Variants in PHLDB1 observed in about 807,000 individuals in gnomAD.
The protein encoded by PHLDB1 is pleckstrin homology like domain family B member 1.
A neutral mutation model predicts 139.3 loss-of-function variants in PHLDB1; 65 were observed. The ratio of observed to expected loss-of-function variants is 0.47; its 90% CI spans 0.38 to 0.57. The LOEUF (loss-of-function observed/expected upper bound fraction) is 0.57, where lower values mean the gene tolerates loss of function less well. Ranked by LOEUF, PHLDB1 falls within the 20% of genes least tolerant of loss-of-function variation. The pLI is 0.00. For missense variants in PHLDB1, 1,624 were observed against 1,839.7 expected (o/e 0.88, Z 2.14); for synonymous variants, 679 against 734.5 (o/e 0.92, Z 1.22).
At chr11:118,626,584 T>C (rs1943909441) in intron 5 of PHLDB1, among the ~76,000 whole-genome samples, 2 of 152,134 alleles carry the variant, frequency 1.3e-5, no homozygotes, top group Non-Finnish European at 2.9e-5. Context: ...GGTTTCACCA[T>C]GTTGGCCAGG....
chr11:118,648,901 C>CA (rs1485895373), intron 18 of PHLDB1, among the ~76,000 whole-genome samples: 1 of 152,174 alleles, frequency 6.6e-6, no homozygotes, highest in Non-Finnish European at 1.5e-5. Flanking sequence ...GAATCTTTCC[C>CA]AAGCAGTGAT....
At chr11:118,609,644 G>T (rs2135599363) in intron 1 of PHLDB1, among the ~76,000 whole-genome samples, 1 of 152,356 alleles carries the variant, frequency 6.6e-6, no homozygotes, top group African/African-American at 2.4e-5. Flanking sequence ...GGCGGTGTCT[G>T]TGGGGGCCGC....
chr11:118,655,260 C>T (rs1031588729), intron 20 of PHLDB1: 3 of 191,044 alleles, frequency 1.6e-5, no homozygotes, highest in Non-Finnish European at 3.3e-5. Context: ...CCAAATTGTT[C>T]ATAAGGGTTT....
intron 18 of PHLDB1, among the ~76,000 whole-genome samples, chr11:118,649,140 C>T (rs983002491): frequency 8.5e-5 from 13 of 152,150 alleles, no homozygotes; most frequent in Middle Eastern, 3.4e-3. Flanking sequence ...ATTAGCTGGG[C>T]GTGGTTTCAC....
At chr11:118,607,329 TGTGGTGGTGGTG>T (rs60326273), upstream of PHLDB1, among the ~76,000 whole-genome samples, 808 of 57,602 alleles carry the variant, frequency 0.014, 22 homozygotes, top group African/African-American at 0.045. Flanking sequence ...GAGGGGGATG[TGTGGTGGTGGTG>T]GTGGTGGTGG....
chr11:118,634,933 AGCTG>A (rs1945379675), intron 9 of PHLDB1: 1 of 454,036 alleles, frequency 2.2e-6, no homozygotes, highest in Admixed American at 2.4e-5. Context: ...GAGAGGGCGG[AGCTG>A]GCCGCGGGAC....
chr11:118,634,895 C>T (rs781863370), intron 9 of PHLDB1: 2 of 430,296 alleles, frequency 4.6e-6, no homozygotes, highest in Middle Eastern at 6.8e-4. Context: ...CTGTGCCCCG[C>T]CCTCTCCCTC....
At chr11:118,614,900 G>A in intron 3 of PHLDB1, 1 of 517,138 alleles carries the variant, frequency 1.9e-6, no homozygotes, top group South Asian at 2.1e-5. Context: ...GATCAGCTTA[G>A]AAACAAGGAG....
chr11:118,656,018 T>C, intron 22 of PHLDB1, 126 bp downstream of exon 22: 1 of 746,996 alleles, frequency 1.3e-6, no homozygotes, highest in Non-Finnish European at 2.3e-6. Flanking sequence ...AGAAAGCAGG[T>C]TGCAAAGAGC....
At chr11:118,630,060 G>A (rs1555108533) in intron 6 of PHLDB1, 2 of 1,284,048 alleles carry the variant, frequency 1.6e-6, no homozygotes, top group African/African-American at 1.5e-5. Flanking sequence ...ATGGAACTGG[G>A]CAAGCAACAG....
At chr11:118,613,161 T>C (rs782192138) in intron 1 of PHLDB1, 48 of 332,698 alleles carry the variant, frequency 1.4e-4, no homozygotes, top group Non-Finnish European at 2.0e-4. Flanking sequence ...AAGTTTTTTG[T>C]TTTTAATTAA....
At chr11:118,648,479 C>T (rs1261305826) in intron 18 of PHLDB1, among the ~76,000 whole-genome samples, 1 of 151,996 alleles carries the variant, frequency 6.6e-6, no homozygotes, top group South Asian at 2.1e-4. Context: ...GCCTCAGATC[C>T]GCTTCATGAG....
chr11:118,637,865 A>G (rs1331479917), intron 10 of PHLDB1: 4 of 152,222 alleles, frequency 2.6e-5, no homozygotes, highest in Non-Finnish European at 4.4e-5. Flanking sequence ...TGAGCCAGGT[A>G]CTGTTCTAAA....
In PHLDB1 at chr11:118,645,123, G is replaced by A. The variant is rs112975178; in HGVS notation, c.3122-233G>A. On this transcript the variant is annotated intron_variant, in intron 15 of 22. Coordinates refer to ENST00000600882, the MANE Select transcript of PHLDB1 (RefSeq NM_001144758.3). This position sits in a 1 kb window ranked among gnomAD's most constrained non-coding sequence, Gnocchi z 5.1. ...GGTGTCCTATATGGACTCAGGGTGC[G>A]AAAGAGCACTGAAGCCAGACTGTGC... The A allele has an allele frequency of 2.5e-5, 12 of 479,130 alleles. No individual in the cohort carries two copies. The highest frequency in any genetic ancestry group is 1.2e-4 in the African/African-American group (6 of 50,306). The allele number at this position is 479,130 out of a possible 1,614,324, so 29.7% of individuals were successfully genotyped here. A position where few individuals can be genotyped will look rare whatever the true frequency, so the allele number is the denominator to read the frequency against.
intron 4 of PHLDB1, among the ~76,000 whole-genome samples, chr11:118,619,491 C>T (rs1475548067): frequency 6.6e-6 from 1 of 152,130 alleles, no homozygotes; most frequent in Non-Finnish European, 1.5e-5. Context: ...AGACTGATAA[C>T]GATCTTGACT....
chr11:118,624,820 G>C, intron 4 of PHLDB1, 114 bp from the exon 5 acceptor site: 1 of 1,046,628 alleles, frequency 9.6e-7, no homozygotes, highest in Non-Finnish European at 1.5e-6. Context: ...ACATTGGCCA[G>C]GCTGGTCTCC....
intron 9 of PHLDB1, chr11:118,635,164 G>A: frequency 3.4e-6 from 2 of 595,782 alleles, no homozygotes; most frequent in East Asian, 5.9e-5. Context: ...GGACACCAGG[G>A]TCGGTGCTGC....
At chr11:118,614,846 C>A in intron 3 of PHLDB1, 164 bp downstream of exon 3, 1 of 632,286 alleles carries the variant, frequency 1.6e-6, no homozygotes, top group Non-Finnish European at 2.7e-6. Context: ...CCCAGACTGC[C>A]TGCCTTCCTT....
intron 17 of PHLDB1, chr11:118,647,309 C>T (rs1947677029): frequency 6.6e-6 from 1 of 152,228 alleles, no homozygotes; most frequent in African/African-American, 2.4e-5. Flanking sequence ...GAGTGCTTTC[C>T]AACTGGAATC....
Sources: allele counts gnomAD v4.1 joint callset (sites outside exome capture counted in the v4.1 genomes callset), GRCh38; gene constraint gnomAD v4.1.1; non-coding constraint Gnocchi (gnomAD v3.1); transcripts MANE v1.5; gene names NCBI Gene and HGNC (gene_info 2026-07-23, HGNC 2026-07-21).